The following FYN variants were observed in gnomAD, a reference collection of about 807,000 sequenced individuals.
FYN encodes FYN proto-oncogene, Src family tyrosine kinase, also known as tyrosine-protein kinase Fyn.
Under a neutral mutation model 70.2 loss-of-function variants are expected in FYN, and 10 were observed. That is an observed-to-expected ratio of 0.14 (90% confidence interval 0.09 to 0.24). The LOEUF (loss-of-function observed/expected upper bound fraction) is 0.24, where lower values mean the gene tolerates loss of function less well. Ranked by LOEUF, FYN falls within the 10% of genes least tolerant of loss-of-function variation. The probability of loss-of-function intolerance (pLI) is 1.00; values close to 1 mark genes in which losing one functional copy is unlikely to be tolerated. For synonymous variants in FYN, 236 were observed against 248.6 expected (o/e 0.95, Z 0.48); for missense variants, 319 against 673.1 (o/e 0.47, Z 5.82).
intron 4 of FYN, chr6:111,719,515 T>A: frequency 3.6e-6 from 1 of 275,442 alleles, no homozygotes; most frequent in Non-Finnish European, 6.9e-6. Flanking sequence ...CAGGTGAGGC[T>A]GAGAGTCATT....
chr6:111,697,091 A>C (rs959210801), intron 9 of FYN, among the ~76,000 whole-genome samples: 1 of 152,244 alleles, frequency 6.6e-6, no homozygotes, highest in African/African-American at 2.4e-5. Context: ...TAGCCACAAG[A>C]ACAATGGCTT....
intron 12 of FYN, among the ~76,000 whole-genome samples, chr6:111,681,273 C>A (rs1175681872): frequency 1.3e-5 from 2 of 152,056 alleles, no homozygotes; most frequent in Non-Finnish European, 2.9e-5. Context: ...GGTGATCCAC[C>A]CACCTCGGCC....
intron 1 of FYN, among the ~76,000 whole-genome samples, chr6:111,855,521 C>G (rs1773801619): frequency 6.6e-6 from 1 of 152,064 alleles, no homozygotes; most frequent in South Asian, 2.1e-4. Context: ...GTTATATATA[C>G]CCAATTAGAA....
At chr6:111,733,342 G>A (rs1279436082) in intron 3 of FYN, among the ~76,000 whole-genome samples, 1 of 152,194 alleles carries the variant, frequency 6.6e-6, no homozygotes, top group Non-Finnish European at 1.5e-5. Flanking sequence ...TACTCAGGCC[G>A]TGGGACCTGG....
chr6:111,811,408 A>T (rs746992740), intron 2 of FYN, among the ~76,000 whole-genome samples: 1 of 152,210 alleles, frequency 6.6e-6, no homozygotes, highest in Non-Finnish European at 1.5e-5. Context: ...TAAGTACTGC[A>T]AACACTGGAC....
intron 2 of FYN, among the ~76,000 whole-genome samples, chr6:111,797,406 T>C (rs1376044237): frequency 6.6e-6 from 1 of 151,986 alleles, no homozygotes; most frequent in African/African-American, 2.4e-5. Flanking sequence ...AATTTTTATA[T>C]TTTCACCAAA....
At chr6:111,698,875 G>A (rs1358913366) in intron 9 of FYN, among the ~76,000 whole-genome samples, 1 of 152,266 alleles carries the variant, frequency 6.6e-6, no homozygotes, top group East Asian at 1.9e-4. Flanking sequence ...ACCAGGTCAG[G>A]AGATCGAGAC....
chr6:111,749,385 A>G (rs1174280046), intron 3 of FYN, among the ~76,000 whole-genome samples: 1 of 152,202 alleles, frequency 6.6e-6, no homozygotes, highest in Non-Finnish European at 1.5e-5. Flanking sequence ...TGCTCTATGT[A>G]CCCCAATGAG....
At chr6:111,778,101 G>T (rs1771022134) in intron 3 of FYN, among the ~76,000 whole-genome samples, 1 of 152,208 alleles carries the variant, frequency 6.6e-6, no homozygotes, top group Non-Finnish European at 1.5e-5. Context: ...CCAGACCTGT[G>T]GGGCAGCGTG....
In FYN at chr6:111,661,959, A is replaced by C; in HGVS notation, c.1406-12T>G. 1 of 1,592,034 alleles carries C rather than the reference A, an allele frequency of 6.3e-7. No homozygotes were observed. Among genetic ancestry groups the C allele is most frequent in the Non-Finnish European group, 8.6e-7 (1 of 1,167,426 alleles). On this transcript the variant is annotated splice_polypyrimidine_tract_variant and intron_variant, in intron 13 of 13. Coordinates refer to ENST00000354650, the MANE Select transcript of FYN (RefSeq NM_002037.5). The surrounding 1 kb of genome is among the most constrained non-coding windows in gnomAD (Gnocchi z 4.0). ...CCGGTTGTTCATGCCTGCAAAGACAAGCGCAGTGAGAGTGGGCACCCCGGG... is the reference window on the plus strand; with the variant it reads ...CCGGTTGTTCATGCCTGCAAAGACACGCGCAGTGAGAGTGGGCACCCCGGG...
At chr6:111,831,201 T>A (rs1456476400) in intron 2 of FYN, among the ~76,000 whole-genome samples, 1 of 152,152 alleles carries the variant, frequency 6.6e-6, no homozygotes, top group East Asian at 1.9e-4. Flanking sequence ...TTCTCTCCTA[T>A]CTGCTTGATA....
At chr6:111,699,703 G>C in intron 9 of FYN, 3 of 1,596,762 alleles carry the variant, frequency 1.9e-6, no homozygotes, top group Non-Finnish European at 2.6e-6. Flanking sequence ...AGAAAACACA[G>C]TCCTTATAAT....
At chr6:111,799,167 G>T (rs1771906417) in intron 2 of FYN, among the ~76,000 whole-genome samples, 1 of 152,174 alleles carries the variant, frequency 6.6e-6, no homozygotes. Context: ...TTTAGGAAGG[G>T]TGATTCTAAA....
At chr6:111,796,998 T>C (rs1771824521) in intron 2 of FYN, among the ~76,000 whole-genome samples, 2 of 152,352 alleles carry the variant, frequency 1.3e-5, no homozygotes, top group East Asian at 3.9e-4. Flanking sequence ...ACCTCAGTGC[T>C]TGGCATAGTG....
chr6:111,853,601 T>C (rs1201895741), intron 1 of FYN, among the ~76,000 whole-genome samples: 3 of 152,152 alleles, frequency 2.0e-5, no homozygotes, highest in Non-Finnish European at 2.9e-5. Context: ...CATGATCTCA[T>C]AGAGATTCTT....
intron 12 of FYN, among the ~76,000 whole-genome samples, chr6:111,690,316 C>T (rs1799261756): frequency 6.6e-6 from 1 of 152,114 alleles, no homozygotes; most frequent in Non-Finnish European, 1.5e-5. Context: ...GGCTGGAAGG[C>T]TGAGGGCCCA....
chr6:111,771,473 T>C (rs1030915378), intron 3 of FYN, among the ~76,000 whole-genome samples: 7 of 152,178 alleles, frequency 4.6e-5, no homozygotes, highest in African/African-American at 1.7e-4. Flanking sequence ...AGTAATCCAG[T>C]TAAATAACAC....
At chr6:111,704,163 A>G in intron 6 of FYN, 61 bp from the exon 7 acceptor site, 3 of 1,408,232 alleles carry the variant, frequency 2.1e-6, no homozygotes, top group Non-Finnish European at 3.0e-6. Flanking sequence ...ATGCAACAGC[A>G]TAGGCTTTTT....
At chr6:111,812,326 C>G (rs1344671052) in intron 2 of FYN, among the ~76,000 whole-genome samples, 1 of 152,140 alleles carries the variant, frequency 6.6e-6, no homozygotes, top group Non-Finnish European at 1.5e-5. Flanking sequence ...ATGGCAAAAC[C>G]TCGGGACTCT....
Sources: gnomAD v4.1 joint callset for allele counts (sites outside exome capture counted in the v4.1 genomes callset) on GRCh38, gnomAD v4.1.1 for gene constraint, Gnocchi (gnomAD v3.1) non-coding constraint, MANE v1.5 for transcripts, NCBI Gene and HGNC (gene_info 2026-07-23, HGNC 2026-07-21) for gene names.